CCDC190: variants seen among roughly 807,000 people sequenced by gnomAD.
The protein encoded by CCDC190 is coiled-coil domain containing 190.
In CCDC190, 10 loss-of-function variants were observed where a neutral mutation model predicts 13.1. The observed-to-expected ratio is 0.77, with a 90% CI of 0.47 to 1.30. The LOEUF is 1.30. Among genes scored for constraint, CCDC190 ranks in the 50% most tolerant of loss-of-function variants. The probability of loss-of-function intolerance (pLI) is 0.00; values close to 1 mark genes in which losing one functional copy is unlikely to be tolerated. For synonymous variants in CCDC190, 136 were observed against 127.2 expected (o/e 1.07, Z -0.47); for missense variants, 375 against 354.3 (o/e 1.06, Z -0.47).
intron 1 of CCDC190, chr1:162,868,514 G>A (rs542360260): frequency 1.4e-5 from 2 of 145,366 alleles, no homozygotes; most frequent in East Asian, 4.0e-4. Context: ...TCTGGAGGAA[G>A]TGGACTGCTC....
intron 1 of CCDC190, among the ~76,000 whole-genome samples, chr1:162,866,485 G>GT (rs397720942): frequency 6.6e-6 from 1 of 151,226 alleles, no homozygotes; most frequent in Non-Finnish European, 1.5e-5. Flanking sequence ...CATGTTTATG[G>GT]CTAGAATCCT....
chr1:162,861,248 T>A (rs1399020915), upstream of CCDC190, among the ~76,000 whole-genome samples: 3 of 152,150 alleles, frequency 2.0e-5, no homozygotes, highest in Non-Finnish European at 1.5e-5. Context: ...ATGGCACCAA[T>A]CCCTGCTGGA....
At chr1:162,865,346 T>A (rs1341788240), upstream of CCDC190, among the ~76,000 whole-genome samples, 1 of 152,090 alleles carries the variant, frequency 6.6e-6, no homozygotes, top group Non-Finnish European at 1.5e-5. Flanking sequence ...TAGAGAAAAT[T>A]AGTAAGGCTA....
rs1650212267 is a variant in CCDC190 at position 162,854,418 on chromosome 1, A to G, written c.*347T>C. ...GAGAGAATAGCTATGCCGTTTTGCC[A>G]GCAGGTGGCACCATGAGAATCTCCT... On this transcript the variant is annotated 3_prime_UTR_variant, in exon 4 of 4. Transcript: ENST00000367912. 9.5e-7 allele frequency: 1 copy of G among 1,051,624 alleles called. No individual in the cohort carries two copies. Among genetic ancestry groups the G allele is most frequent in the African/African-American group, 1.7e-5 (1 of 59,460 alleles). The allele number at this position is 1,051,624 out of a possible 1,614,324, so 65.1% of individuals were successfully genotyped here. A position where few individuals can be genotyped will look rare whatever the true frequency, so the allele number is the denominator to read the frequency against.
chr1:162,864,150 A>T (rs184964808), upstream of CCDC190, among the ~76,000 whole-genome samples: 2 of 152,300 alleles, frequency 1.3e-5, no homozygotes, highest in Non-Finnish European at 2.9e-5. Flanking sequence ...GGTACATTAC[A>T]TACAGAGGAA....
At position 162,852,234 on chromosome 1, in the gene CCDC190, T is replaced by C. The variant is rs1650132544; in HGVS notation, c.*2531A>G. The C allele has an allele frequency of 6.6e-6, 1 of 152,242 alleles. No homozygotes were observed. Among genetic ancestry groups the C allele is most frequent in the Non-Finnish European group, 1.5e-5 (1 of 68,062 alleles). The allele number at this position is 152,242 out of a possible 1,614,324, so 9.4% of individuals were successfully genotyped here. On this transcript the variant is annotated 3_prime_UTR_variant, in exon 4 of 4. Coordinates refer to ENST00000367912, the MANE Select transcript of CCDC190 (RefSeq NM_001394065.1). ...AGTGGCAGCCCCCTCACCTCAGTTA[T>C]GACAACCAGAAATATCTCTGGACAG...
upstream of CCDC190, among the ~76,000 whole-genome samples, chr1:162,862,954 C>CTT (rs201288657): frequency 0.17 from 24,439 of 146,046 alleles, 1,972 homozygotes; most frequent in Middle Eastern, 0.2. Flanking sequence ...GTGGAATGGA[C>CTT]TTTTTTTTTT....
rs1294289818 is a variant in CCDC190, at chr1:162,855,129, T to A, written c.542A>T (p.Gln181Leu). 5.0e-6 allele frequency: 8 copies of A among 1,613,944 alleles called. No homozygotes were observed. The highest frequency in any genetic ancestry group is 1.7e-5 in the Admixed American group (1 of 60,004). ...TTCTATGGTGTTGGTGGAAACCTCT[T>A]GATTTTGGCATGGAACAGAGATGCC... ...SKGISVPCQN[Q>L]EVSTNTIEQG... The change falls in exon 4 of 4, where the codon CAA becomes CTA. Residue 181 changes from glutamine (Q) to leucine (L), a missense_variant. Transcript: ENST00000367912.
chr1:162,857,576 G>T (rs887905502), intron 2 of CCDC190, among the ~76,000 whole-genome samples: 2 of 152,100 alleles, frequency 1.3e-5, no homozygotes, highest in South Asian at 4.1e-4. Flanking sequence ...TATTCCTTCT[G>T]CTGGGAGTGG....
In CCDC190 at chr1:162,853,027, A is replaced by G; in HGVS notation, c.*1738T>C. On this transcript the variant is annotated 3_prime_UTR_variant, in exon 4 of 4. Transcript: ENST00000367912. ...GTGCAAATAAATTAAGTTTTTGTGAATCAATCAGTTCTGTCACTTATGGCC... is the reference window on the plus strand; with the variant it reads ...GTGCAAATAAATTAAGTTTTTGTGAGTCAATCAGTTCTGTCACTTATGGCC... 8.2e-7 allele frequency: 1 copy of G among 1,213,976 alleles called. No individual in the cohort carries two copies. The highest frequency in any genetic ancestry group is 1.2e-6 in the Non-Finnish European group (1 of 843,378). 75.2% of individuals were successfully genotyped at this position (1,213,976 alleles called of 1,614,324 possible).
chr1:162,858,782 G>T (rs1650398246), intron 2 of CCDC190, among the ~76,000 whole-genome samples: 1 of 152,160 alleles, frequency 6.6e-6, no homozygotes, highest in Non-Finnish European at 1.5e-5. Context: ...TCTACAGACT[G>T]TACAACTGTG....
At chr1:162,866,565 C>CT (rs200682704) in intron 1 of CCDC190, among the ~76,000 whole-genome samples, 16 of 151,574 alleles carry the variant, frequency 1.1e-4, no homozygotes, top group African/African-American at 2.9e-4. Flanking sequence ...CCCTAGCAGA[C>CT]TTTTTTTTTC....
chr1:162,867,523 G>A (rs967665388), intron 1 of CCDC190, among the ~76,000 whole-genome samples: 5 of 152,010 alleles, frequency 3.3e-5, no homozygotes, highest in African/African-American at 1.2e-4. Context: ...AAACATTTTG[G>A]GAATTTCTTA....
At chr1:162,861,324 G>A (rs1311980216), upstream of CCDC190, among the ~76,000 whole-genome samples, 2 of 152,186 alleles carry the variant, frequency 1.3e-5, no homozygotes, top group Non-Finnish European at 2.9e-5. Context: ...TGTCCCTAGA[G>A]GGGCCCACAG....
At chr1:162,864,371 TA>T (rs1301475918), upstream of CCDC190, among the ~76,000 whole-genome samples, 1 of 152,118 alleles carries the variant, frequency 6.6e-6, no homozygotes, top group African/African-American at 2.4e-5. Flanking sequence ...CAAGAAACGT[TA>T]AAGGTAATTC....
At chr1:162,863,084 C>T (rs1313578446), upstream of CCDC190, among the ~76,000 whole-genome samples, 2 of 152,042 alleles carry the variant, frequency 1.3e-5, no homozygotes, top group Non-Finnish European at 2.9e-5. Flanking sequence ...AGATCATGTT[C>T]TTGCTTCCAC....
At chr1:162,866,028 T>C (rs1650693362), upstream of CCDC190, among the ~76,000 whole-genome samples, 2 of 152,196 alleles carry the variant, frequency 1.3e-5, no homozygotes, top group African/African-American at 4.8e-5. Flanking sequence ...CACATGATAA[T>C]ATATCAATAT....
Position 162,854,528 on chromosome 1 carries a change from A to C in CCDC190, c.*237T>G, listed in dbSNP as rs939203617. 1 of 1,315,208 alleles carries C rather than the reference A, an allele frequency of 7.6e-7. No individual in the cohort carries two copies. The highest frequency in any genetic ancestry group is 3.4e-5 in the Admixed American group (1 of 29,100). The allele number at this position is 1,315,208 out of a possible 1,614,324, so 81.5% of individuals were successfully genotyped here. ...AATATATATTCATATTTTTGATGACATCATAAACATATCACTTAAAATATT... is the reference window on the plus strand; with the variant it reads ...AATATATATTCATATTTTTGATGACCTCATAAACATATCACTTAAAATATT... On this transcript the variant is annotated 3_prime_UTR_variant, in exon 4 of 4. Coordinates refer to ENST00000367912, the MANE Select transcript of CCDC190 (RefSeq NM_001394065.1).
upstream of CCDC190, among the ~76,000 whole-genome samples, chr1:162,863,568 A>C (rs956019006): frequency 2.6e-5 from 4 of 152,190 alleles, no homozygotes; most frequent in Non-Finnish European, 5.9e-5. Flanking sequence ...CAAACCAGGG[A>C]ATCATTATTA....
Sources: allele counts gnomAD v4.1 joint callset (sites outside exome capture counted in the v4.1 genomes callset), GRCh38; gene constraint gnomAD v4.1.1; transcripts MANE v1.5; gene names NCBI Gene and HGNC (gene_info 2026-07-23, HGNC 2026-07-21).